Variants in SLC2A9 observed in about 807,000 individuals in gnomAD.
The protein encoded by SLC2A9 is solute carrier family 2, facilitated glucose transporter member 9.
Under a neutral mutation model 50.6 loss-of-function variants are expected in SLC2A9, and 39 were observed. The observed-to-expected ratio is 0.77, with a 90% CI of 0.60 to 1.01. The LOEUF (loss-of-function observed/expected upper bound fraction) is 1.01. Among genes scored for constraint, SLC2A9 ranks in the 50% least tolerant of loss-of-function variants. SLC2A9 has a pLI of 0.00. For synonymous variants in SLC2A9, 324 were observed against 276.9 expected, an observed-to-expected ratio of 1.17 and a Z score of -1.69; for missense variants, 686 against 677.6, an observed-to-expected ratio of 1.01 and a Z score of -0.14.
At chr4:9,842,279 G>A (rs759538219) in intron 10 of SLC2A9, among the ~76,000 whole-genome samples, 1 of 152,180 alleles carries the variant, frequency 6.6e-6, no homozygotes, top group Non-Finnish European at 1.5e-5. Context: ...TGTGGTAGGT[G>A]TGTAGGTGCT....
At chr4:9,903,549 CTGA>C (rs1740055748) in intron 8 of SLC2A9, among the ~76,000 whole-genome samples, 2 of 152,090 alleles carry the variant, frequency 1.3e-5, no homozygotes, top group African/African-American at 2.4e-5. Context: ...GTTCCCCAAG[CTGA>C]TGACTGACGC....
chr4:9,997,710 T>TG (rs925238313), intron 2 of SLC2A9, among the ~76,000 whole-genome samples: 31 of 143,428 alleles, frequency 2.2e-4, no homozygotes, highest in East Asian at 4.0e-4. Context: ...AAAAGAAAAG[T>TG]GGGGGGGCAC....
chr4:9,999,720 A>T (rs1172853022), intron 2 of SLC2A9, among the ~76,000 whole-genome samples: 1 of 152,046 alleles, frequency 6.6e-6, no homozygotes, highest in East Asian at 1.9e-4. Context: ...ATGAAGTGGG[A>T]AAGTATTGGA....
downstream of SLC2A9, among the ~76,000 whole-genome samples, chr4:9,775,061 G>C (rs868506914): frequency 3.3e-5 from 5 of 152,094 alleles, no homozygotes; most frequent in African/African-American, 1.2e-4. Context: ...GCATAATGAC[G>C]GGCACTTCTG....
intron 1 of SLC2A9, among the ~76,000 whole-genome samples, chr4:10,032,460 T>C (rs1428473078): frequency 2.0e-5 from 3 of 151,970 alleles, no homozygotes; most frequent in Admixed American, 6.6e-5. Context: ...CTAGATGGTT[T>C]CTATATTTGG....
intron 6 of SLC2A9, among the ~76,000 whole-genome samples, chr4:9,928,344 T>C (rs932271475): frequency 1.3e-5 from 2 of 152,204 alleles, no homozygotes; most frequent in Non-Finnish European, 2.9e-5. Context: ...AGTGAGAAAG[T>C]AGCAACCTTT....
Position 9,980,627 on chromosome 4 carries a change from C to T in SLC2A9, c.646G>A (p.Gly216Arg), listed in dbSNP as rs561633150. Residue 216 changes from glycine (G) to arginine (R), a missense_variant, in exon 5 of 12, where the codon GGG becomes AGG. Physicochemically the swap from Gly to Arg is moderately radical, Grantham distance 125 (BLOSUM62 -2). Coordinates refer to ENST00000264784, the MANE Select transcript of SLC2A9 (RefSeq NM_020041.3). ...AIFICIGVFTGQLLGLPELLG... is the reference protein window; with the variant it reads ...AIFICIGVFTRQLLGLPELLG... The stretch of plus-strand genomic sequence containing the variant: ...AGCTCGGGCAGGCCCAGAAGCTGCC[C>T]AGTGAACACGCCAATGCAGATAAAG... 441 of 1,614,168 alleles carry T rather than the reference C, an allele frequency of 2.7e-4. 12 individuals are homozygous for T. The South Asian group carries it at 4.7e-3, about 17-fold the overall frequency.
At chr4:9,783,181 G>A (rs1429694709) in intron 3 of SLC2A9, 2 of 1,614,206 alleles carry the variant, frequency 1.2e-6, no homozygotes, top group Admixed American at 1.7e-5. Flanking sequence ...GCACGCCGGT[G>A]GAGACGGTGA....
intron 6 of SLC2A9, among the ~76,000 whole-genome samples, chr4:9,931,807 T>G (rs1577949451): frequency 6.6e-6 from 1 of 150,692 alleles, no homozygotes; most frequent in South Asian, 2.1e-4. Context: ...CGGGTTCTGC[T>G]CCCAGGAGGT....
intron 5 of SLC2A9, among the ~76,000 whole-genome samples, chr4:9,980,121 G>A (rs1391780291): frequency 6.6e-6 from 1 of 152,112 alleles, no homozygotes; most frequent in African/African-American, 2.4e-5. Context: ...AAAACAGCAA[G>A]CCAAAACCGG....
At chr4:9,846,462 G>A (rs1577502289) in intron 10 of SLC2A9, among the ~76,000 whole-genome samples, 1 of 152,072 alleles carries the variant, frequency 6.6e-6, no homozygotes, top group South Asian at 2.1e-4. Context: ...GGGATGAGGA[G>A]GTATAGCAGA....
chr4:9,915,229 T>G (rs1021226688), intron 7 of SLC2A9, among the ~76,000 whole-genome samples: 1 of 152,224 alleles, frequency 6.6e-6, no homozygotes. Context: ...CCTATGTGAA[T>G]GACCCCATGC....
At chr4:9,772,075 T>A (rs1221027685) in intron 1 of SLC2A9, among the ~76,000 whole-genome samples, 1 of 152,226 alleles carries the variant, frequency 6.6e-6, no homozygotes, top group Non-Finnish European at 1.5e-5. Context: ...TTGCAGGGAA[T>A]CATAGGGAGT....
Position 9,888,118 on chromosome 4 carries a change from G to GT in SLC2A9, c.1216-477_1216-476insA, listed in dbSNP as rs1560244938. ...ACATCACATGCTGGGGCCTGTTTTGGGGGGTGGGGGGCTGGAGGAGGGATA... is the reference window on the plus strand; with the variant it reads ...ACATCACATGCTGGGGCCTGTTTTGGTGGGGTGGGGGGCTGGAGGAGGGATA... On this transcript the variant is annotated intron_variant, in intron 9 of 11. Transcript: ENST00000264784. Among the ~76,000 whole-genome samples the GT allele has an allele frequency of 1.3e-4, 20 of 148,320 alleles. 1 individual carries two copies. In the East Asian group the frequency reaches 1.9e-3, roughly 14 times the overall value.
At chr4:9,949,886 C>G (rs1339044148) in intron 5 of SLC2A9, among the ~76,000 whole-genome samples, 2 of 152,198 alleles carry the variant, frequency 1.3e-5, no homozygotes, top group Non-Finnish European at 2.9e-5. Flanking sequence ...TCTTTGAATG[C>G]TTCCTGCTTG....
At chr4:9,868,906 C>T (rs545469614) in intron 10 of SLC2A9, among the ~76,000 whole-genome samples, 1 of 152,186 alleles carries the variant, frequency 6.6e-6, no homozygotes, top group South Asian at 2.1e-4. Flanking sequence ...TGCAGGAACA[C>T]CCCCCAAAGG....
intron 5 of SLC2A9, among the ~76,000 whole-genome samples, chr4:9,958,432 G>A (rs1199873499): frequency 6.6e-6 from 1 of 152,182 alleles, no homozygotes; most frequent in Non-Finnish European, 1.5e-5. Context: ...TCATAAGTGG[G>A]AGTTGAACAA....
At chr4:9,888,498 A>G (rs550681039) in intron 9 of SLC2A9, among the ~76,000 whole-genome samples, 2 of 151,956 alleles carry the variant, frequency 1.3e-5, no homozygotes, top group East Asian at 3.9e-4. Context: ...GCTGGTTGGG[A>G]TTGCTCCTGC....
intron 2 of SLC2A9, among the ~76,000 whole-genome samples, chr4:10,011,622 T>A (rs1761776115): frequency 6.6e-6 from 1 of 152,236 alleles, no homozygotes; most frequent in Non-Finnish European, 1.5e-5. Context: ...GGTATGCAAA[T>A]TAGCCCTAAA....
Sources: gnomAD v4.1 joint callset for allele counts (sites outside exome capture counted in the v4.1 genomes callset) on GRCh38, gnomAD v4.1.1 for gene constraint, MANE v1.5 for transcripts, NCBI Gene and HGNC (gene_info 2026-07-23, HGNC 2026-07-21) for gene names.